ESR2: variants seen among roughly 807,000 people sequenced by gnomAD.
ESR2 encodes the protein estrogen receptor beta.
ESR2 carries 36 observed loss-of-function variants against 49.6 expected under a neutral mutation model. The observed-to-expected ratio is 0.73, with a 90% CI of 0.56 to 0.96. The LOEUF (loss-of-function observed/expected upper bound fraction) is 0.96. Among genes scored for constraint, ESR2 ranks in the 40% least tolerant of loss-of-function variants. The probability of loss-of-function intolerance (pLI) is 0.00; values close to 1 mark genes in which losing one functional copy is unlikely to be tolerated. For synonymous variants in ESR2, 320 were observed against 266.1 expected (o/e 1.20, Z -1.97); for missense variants, 714 against 693.0 (o/e 1.03, Z -0.34).
At chr14:64,275,539 C>A (rs966510208) in intron 3 of ESR2, among the ~76,000 whole-genome samples, 2 of 152,004 alleles carry the variant, frequency 1.3e-5, no homozygotes, top group Non-Finnish European at 2.9e-5. Context: ...CCCATCTCTA[C>A]TAAAAATACA....
chr14:64,326,992 A>G (rs2077397769), intron 1 of ESR2, among the ~76,000 whole-genome samples: 1 of 152,240 alleles, frequency 6.6e-6, no homozygotes, highest in African/African-American at 2.4e-5. Context: ...GTTAAACAAG[A>G]TAACAAAAAT....
chr14:64,233,263 G>C lies in ESR2; in HGVS notation c.1467C>G (p.Asp489Glu). 1.2e-6 allele frequency: 2 copies of C among 1,614,184 alleles called. No individual in the cohort carries two copies. The highest frequency in any genetic ancestry group is 1.7e-6 in the Non-Finnish European group (2 of 1,180,026). The change falls in exon 9 of 9, where the codon GAC becomes GAG. Residue 489 changes from aspartate to glutamate, a missense_variant. Asp to Glu is a conservative substitution (Grantham distance 45). Coordinates refer to ENST00000341099, the MANE Select transcript of ESR2 (RefSeq NM_001437.3). ...GGGCATTCAGCATCTCCAGCAGCAG[G>C]TCATACACTGGGACCACATTTTTGC... is the stretch of plus-strand genomic sequence containing the variant. ...MKCKNVVPVY[D>E]LLLEMLNAHV...
At chr14:64,287,522 T>C (rs1334628257) in intron 1 of ESR2, among the ~76,000 whole-genome samples, 1 of 152,248 alleles carries the variant, frequency 6.6e-6, no homozygotes, top group East Asian at 1.9e-4. Flanking sequence ...ATTTCAGATA[T>C]ATCAGATTCA....
intron 1 of ESR2, among the ~76,000 whole-genome samples, chr14:64,286,687 TA>T (rs1356524865): frequency 6.6e-6 from 1 of 152,088 alleles, no homozygotes; most frequent in Non-Finnish European, 1.5e-5. Context: ...CATATAGTGA[TA>T]ACTATTGCCA....
intron 1 of ESR2, chr14:64,337,621 T>C (rs1417339962): frequency 2.6e-5 from 4 of 152,194 alleles, no homozygotes; most frequent in African/African-American, 9.6e-5. Context: ...CTAAAAATCA[T>C]TGAATCCATT....
intron 1 of ESR2, among the ~76,000 whole-genome samples, chr14:64,293,518 A>G (rs566927457): frequency 1.2e-4 from 18 of 152,376 alleles, no homozygotes; most frequent in Admixed American, 1.0e-3. Flanking sequence ...GCAGGGTGTT[A>G]GAGGGCAGTT....
chr14:64,240,692 G>A (rs1053032124), intron 7 of ESR2, among the ~76,000 whole-genome samples: 1 of 152,140 alleles, frequency 6.6e-6, no homozygotes, highest in African/African-American at 2.4e-5. Flanking sequence ...TGTACTTCCA[G>A]TACACATACA....
intron 2 of ESR2, among the ~76,000 whole-genome samples, chr14:64,281,448 AG>A (rs1349241356): frequency 2.0e-5 from 3 of 152,118 alleles, no homozygotes; most frequent in African/African-American, 7.2e-5. Flanking sequence ...AGGAGGAAGG[AG>A]AAAAAAAAAA....
chr14:64,282,652 A>G lies in ESR2; in HGVS notation c.334T>C (p.Ser112Pro), dbSNP rs1386480018. 6.2e-7 allele frequency: 1 copy of G among 1,608,832 alleles called. No individual in the cohort carries two copies. The highest frequency in any genetic ancestry group is 1.7e-5 in the Admixed American group (1 of 59,936). Reference sequence around the variant, plus strand: ...TTTACAGGTAAGGTGTGTTCTAGCGATCTTGCTTCACACCAGGGACTCTTT... The same window carrying G: ...TTTACAGGTAAGGTGTGTTCTAGCGGTCTTGCTTCACACCAGGGACTCTTT... ...PQKSPWCEARSLEHTLPVNRE... is the reference protein window; with the variant it reads ...PQKSPWCEARPLEHTLPVNRE... The change falls in exon 2 of 9, where the codon TCG becomes CCG. Residue 112 changes from serine (S) to proline (P), a missense_variant. By Grantham distance (74) the Ser-to-Pro change is moderately conservative. Coordinates refer to ENST00000341099, the MANE Select transcript of ESR2 (RefSeq NM_001437.3).
At chr14:64,299,115 T>C (rs1417457515), upstream of ESR2, among the ~76,000 whole-genome samples, 2 of 151,106 alleles carry the variant, frequency 1.3e-5, no homozygotes, top group Non-Finnish European at 2.9e-5. Flanking sequence ...GCTCAGAAGA[T>C]ATTAATAAGT....
intron 1 of ESR2, among the ~76,000 whole-genome samples, chr14:64,332,693 G>A (rs1214823738): frequency 2.7e-5 from 4 of 149,372 alleles, no homozygotes; most frequent in South Asian, 4.2e-4. Context: ...CCAGCTACTC[G>A]GGAGGCTAAG....
chr14:64,284,163 G>T (rs933997374), intron 1 of ESR2, among the ~76,000 whole-genome samples: 2 of 151,080 alleles, frequency 1.3e-5, no homozygotes, highest in Non-Finnish European at 3.0e-5. Flanking sequence ...TCCTGATCTC[G>T]AGTGATCCAC....
intron 7 of ESR2, among the ~76,000 whole-genome samples, chr14:64,236,427 C>A (rs1201333963): frequency 6.6e-6 from 1 of 152,100 alleles, no homozygotes; most frequent in African/African-American, 2.4e-5. Flanking sequence ...AACAAGACCC[C>A]ACCCTTGGCC....
At position 64,230,057 on chromosome 14, in the gene ESR2, AG is replaced by A. The variant is rs1382624486; in HGVS notation, c.*3079del. ...AGCCAGGAGTGGTGGTGTGCACCCC[AG>A]CTACTCGGCGAGGGCGGGAATGGGG... On this transcript the variant is annotated 3_prime_UTR_variant, in exon 9 of 9. Coordinates refer to ENST00000341099, the MANE Select transcript of ESR2 (RefSeq NM_001437.3). Among the ~76,000 whole-genome samples the A allele has an allele frequency of 2.2e-4, 33 of 151,156 alleles. No individual in the cohort carries two copies. The highest frequency in any genetic ancestry group is 4.9e-4 in the Non-Finnish European group (33 of 67,786).
intron 4 of ESR2, among the ~76,000 whole-genome samples, chr14:64,262,282 T>G (rs1435361712): frequency 6.6e-6 from 1 of 152,026 alleles, no homozygotes; most frequent in Non-Finnish European, 1.5e-5. Context: ...ATCTGACTAA[T>G]TTTTGTATTT....
intron 1 of ESR2, chr14:64,336,794 A>G (rs2077536859): frequency 6.6e-6 from 1 of 152,188 alleles, no homozygotes; most frequent in Admixed American, 6.5e-5. Context: ...TCCTTCCAGT[A>G]TCACCTTATT....
chr14:64,281,251 C>T (rs1378760175), intron 2 of ESR2, among the ~76,000 whole-genome samples: 1 of 152,076 alleles, frequency 6.6e-6, no homozygotes, highest in Non-Finnish European at 1.5e-5. Context: ...CAAGGGATCC[C>T]CAGGCAGCCT....
At chr14:64,310,550 C>T (rs2140880928) in intron 1 of ESR2, among the ~76,000 whole-genome samples, 1 of 151,016 alleles carries the variant, frequency 6.6e-6, no homozygotes, top group Middle Eastern at 3.4e-3. Context: ...TGGCTCACTG[C>T]AACCTCTGCC....
At chr14:64,327,193 G>A (rs2077400300) in intron 1 of ESR2, among the ~76,000 whole-genome samples, 1 of 152,102 alleles carries the variant, frequency 6.6e-6, no homozygotes, top group Non-Finnish European at 1.5e-5. Flanking sequence ...TGAAAGATAT[G>A]AGTAGACTAA....
Sources: allele counts gnomAD v4.1 joint callset (sites outside exome capture counted in the v4.1 genomes callset), GRCh38; gene constraint gnomAD v4.1.1; transcripts MANE v1.5; gene names NCBI Gene and HGNC (gene_info 2026-07-23, HGNC 2026-07-21).